Variants in PRKG1 observed in about 807,000 individuals in gnomAD.
PRKG1 encodes protein kinase cGMP-dependent 1.
PRKG1 carries 35 observed loss-of-function variants against 88.1 expected under a neutral mutation model. The observed-to-expected ratio is 0.40, with a 90% CI of 0.30 to 0.53. PRKG1 has a LOEUF of 0.53. PRKG1 is among the 20% of genes least tolerant of loss of function. PRKG1 has a pLI of 0.59. For synonymous variants in PRKG1, 303 were observed against 292.5 expected (o/e 1.04, Z -0.37); for missense variants, 540 against 839.8 (o/e 0.64, Z 4.41).
At chr10:52,005,356 A>T (rs1396491974) in intron 5 of PRKG1, among the ~76,000 whole-genome samples, 2 of 150,820 alleles carry the variant, frequency 1.3e-5, no homozygotes, top group African/African-American at 4.9e-5. Context: ...AGCTTCCCAA[A>T]GTGCTAGGAT....
At chr10:51,738,213 C>T (rs192534348) in intron 3 of PRKG1, among the ~76,000 whole-genome samples, 446 of 152,248 alleles carry the variant, frequency 2.9e-3, no homozygotes, top group Non-Finnish European at 4.9e-3. Flanking sequence ...TCCTCAGTGT[C>T]TTTAACTGTA....
intron 2 of PRKG1, among the ~76,000 whole-genome samples, chr10:51,326,927 G>C (rs916016168): frequency 2.0e-5 from 3 of 152,126 alleles, no homozygotes; most frequent in African/African-American, 4.8e-5. Flanking sequence ...TGCAAACAAA[G>C]GTATTTGTCT....
rs1318311244 is a variant in PRKG1, at chr10:51,055,230, C to T, written c.266+63586C>T. ...GTTCAATGGCAGGGATTGGTTTGCT[C>T]GTCCTTGAGTCCTTCATGTCTATTG... On this transcript the variant is annotated intron_variant, in intron 1 of 17. Transcript: ENST00000401604. Among the ~76,000 whole-genome samples the T allele has an allele frequency of 5.9e-5, 9 of 152,068 alleles. No individual in the cohort carries two copies. In the East Asian group the frequency reaches 9.7e-4, roughly 16 times the overall value.
At chr10:51,787,305 A>G (rs1411743299) in intron 3 of PRKG1, among the ~76,000 whole-genome samples, 1 of 152,186 alleles carries the variant, frequency 6.6e-6, no homozygotes, top group Non-Finnish European at 1.5e-5. Context: ...TATTATGCAT[A>G]TATAAATAAG....
chr10:51,824,690 G>A (rs1372216649), intron 4 of PRKG1, among the ~76,000 whole-genome samples: 2 of 152,122 alleles, frequency 1.3e-5, no homozygotes, highest in Non-Finnish European at 2.9e-5. Flanking sequence ...CATGGCAGAA[G>A]GTGAAGGGGG....
In PRKG1 at chr10:51,279,043, T is replaced by C. The variant is rs1223858006; in HGVS notation, c.478+125713T>C. On this transcript the variant is annotated intron_variant, in intron 2 of 17. Coordinates refer to ENST00000373980, the MANE Select transcript of PRKG1 (RefSeq NM_006258.4). Reference sequence around the variant, plus strand: ...GCTTCTCTAGTTCTTTTAATTGCAATGTTAGGGTGTCAATTTTAGATCTTT... The same window carrying C: ...GCTTCTCTAGTTCTTTTAATTGCAACGTTAGGGTGTCAATTTTAGATCTTT... 2.0e-5 allele frequency among the ~76,000 whole-genome samples: 3 copies of C among 152,188 alleles called. No individual in the cohort carries two copies. The East Asian group carries it at 5.8e-4, about 29-fold the overall frequency.
chr10:51,493,977 G>A (rs1177842949), intron 3 of PRKG1, among the ~76,000 whole-genome samples: 1 of 152,128 alleles, frequency 6.6e-6, no homozygotes. Flanking sequence ...GATAGGAATG[G>A]ACACCAGTTC....
At chr10:51,192,520 CTTAT>C (rs950421137) in intron 2 of PRKG1, among the ~76,000 whole-genome samples, 1 of 151,838 alleles carries the variant, frequency 6.6e-6, no homozygotes. Context: ...ATTCTTCAGA[CTTAT>C]TTAATGTCCT....
At chr10:51,977,368 C>T (rs1843872048) in intron 5 of PRKG1, among the ~76,000 whole-genome samples, 1 of 151,984 alleles carries the variant, frequency 6.6e-6, no homozygotes, top group South Asian at 2.1e-4. Flanking sequence ...ATCCAGTCTA[C>T]CATTGATGGG....
chr10:51,480,930 G>T (rs2132846727), intron 3 of PRKG1, among the ~76,000 whole-genome samples: 1 of 152,030 alleles, frequency 6.6e-6, no homozygotes, highest in East Asian at 1.9e-4. Flanking sequence ...TGGGGGAGGT[G>T]GTGGTGGTAT....
At chr10:51,630,231 G>C (rs1405494259) in intron 3 of PRKG1, among the ~76,000 whole-genome samples, 2 of 152,194 alleles carry the variant, frequency 1.3e-5, no homozygotes, top group Non-Finnish European at 2.9e-5. Context: ...CATGTGTGCT[G>C]TGTGTCCATC....
At chr10:51,018,918 A>G (rs1402223653) in intron 1 of PRKG1, among the ~76,000 whole-genome samples, 1 of 152,236 alleles carries the variant, frequency 6.6e-6, no homozygotes, top group African/African-American at 2.4e-5. Context: ...AAATAGGGAA[A>G]CAAGAAAATT....
At chr10:51,193,031 T>C (rs1214723667) in intron 2 of PRKG1, among the ~76,000 whole-genome samples, 2 of 152,062 alleles carry the variant, frequency 1.3e-5, no homozygotes, top group Non-Finnish European at 2.9e-5. Flanking sequence ...GGTTCTCAGT[T>C]AGTAAAAGGA....
intron 3 of PRKG1, among the ~76,000 whole-genome samples, chr10:51,755,857 A>C (rs1395741293): frequency 1.3e-5 from 2 of 152,216 alleles, no homozygotes; most frequent in Admixed American, 1.3e-4. Context: ...ATTCCAAACA[A>C]GTGGCTAACC....
rs150409559 is a variant in PRKG1 at position 51,791,471 on chromosome 10, C to T, written c.593-13114C>T. Among the ~76,000 whole-genome samples the T allele has an allele frequency of 1.9e-4, 29 of 152,200 alleles. No individual in the cohort carries two copies. The East Asian group carries it at 3.9e-3, about 20-fold the overall frequency. ...CTTTAGGTCTTTTACTGACTTTTCC[C>T]TTTCTCTTATACAGGATGACTGTCC... On this transcript the variant is annotated intron_variant, in intron 3 of 17. Coordinates refer to ENST00000373980, the MANE Select transcript of PRKG1 (RefSeq NM_006258.4).
chr10:51,850,187 T>TA (rs1840510750), intron 4 of PRKG1, among the ~76,000 whole-genome samples: 1 of 152,210 alleles, frequency 6.6e-6, no homozygotes, highest in Admixed American at 6.5e-5. Context: ...AATATATATA[T>TA]TTTTTTGAGA....
chr10:51,628,055 CCTTT>C (rs1420531230), intron 3 of PRKG1, among the ~76,000 whole-genome samples: 21 of 138,542 alleles, frequency 1.5e-4, no homozygotes, highest in South Asian at 4.8e-4. Flanking sequence ...TCTTTCCTTT[CCTTT>C]CTTTCTTTCC....
chr10:51,334,589 C>A (rs1841826744), intron 2 of PRKG1, among the ~76,000 whole-genome samples: 1 of 152,146 alleles, frequency 6.6e-6, no homozygotes, highest in Non-Finnish European at 1.5e-5. Context: ...TCTTCCGTGG[C>A]CTCTTTTCAG....
chr10:51,767,891 G>C (rs757864048), intron 3 of PRKG1, among the ~76,000 whole-genome samples: 2 of 151,950 alleles, frequency 1.3e-5, no homozygotes, highest in African/African-American at 2.4e-5. Context: ...AGGTGAGAGA[G>C]TAGAGAAAAT....
Sources: gnomAD v4.1 joint callset for allele counts (sites outside exome capture counted in the v4.1 genomes callset) on GRCh38, gnomAD v4.1.1 for gene constraint, MANE v1.5 for transcripts, NCBI Gene and HGNC (gene_info 2026-07-23, HGNC 2026-07-21) for gene names.